PPARGC1A: variants seen among roughly 807,000 people sequenced by gnomAD.
PPARGC1A encodes peroxisome proliferator-activated receptor gamma coactivator 1-alpha.
Under a neutral mutation model 88.7 loss-of-function variants are expected in PPARGC1A, and 25 were observed. That is an observed-to-expected ratio of 0.28 (90% CI 0.21 to 0.39). The LOEUF is 0.39. Ranked by LOEUF, PPARGC1A falls within the 10% of genes least tolerant of loss-of-function variation. PPARGC1A has a pLI of 1.00. For synonymous variants in PPARGC1A, 363 were observed against 355.6 expected, an observed-to-expected ratio of 1.02 and a Z score of -0.24; for missense variants, 880 against 968.7, an observed-to-expected ratio of 0.91 and a Z score of 1.22.
the PPARGC1A span, among the ~76,000 whole-genome samples, chr4:24,122,241 C>A: frequency 6.6e-6 from 1 of 151,990 alleles, no homozygotes; most frequent in Non-Finnish European, 1.5e-5. Flanking sequence ...AGAAAGAACT[C>A]ACTCATGGAG....
intron 2 of PPARGC1A, among the ~76,000 whole-genome samples, chr4:23,832,193 T>C (rs557210125): frequency 1.3e-5 from 2 of 152,306 alleles, no homozygotes; most frequent in East Asian, 3.9e-4. Context: ...TCTAGACAGC[T>C]CTTTATTTGA....
chr4:24,114,077 T>C, the PPARGC1A span, among the ~76,000 whole-genome samples: 1 of 138,412 alleles, frequency 7.2e-6, no homozygotes, highest in Non-Finnish European at 1.5e-5. Flanking sequence ...TGAGCCGAGA[T>C]CGTGCCACTG....
chr4:24,295,080 G>A, the PPARGC1A span, among the ~76,000 whole-genome samples: 6 of 152,178 alleles, frequency 3.9e-5, no homozygotes, highest in African/African-American at 1.4e-4. Context: ...TTAATGCAAC[G>A]CTGTTTAGTT....
chr4:24,074,931 G>C, the PPARGC1A span, among the ~76,000 whole-genome samples: 706 of 152,278 alleles, frequency 4.6e-3, 5 homozygotes, highest in African/African-American at 0.016. Flanking sequence ...AACAAAGGCA[G>C]ATCCTCTTTG....
chr4:24,296,885 C>T, the PPARGC1A span, among the ~76,000 whole-genome samples: 1 of 152,100 alleles, frequency 6.6e-6, no homozygotes, highest in Non-Finnish European at 1.5e-5. Context: ...GTCTTACTGC[C>T]AAGTATATCT....
the PPARGC1A span, among the ~76,000 whole-genome samples, chr4:24,151,500 G>GT: frequency 5.3e-4 from 81 of 152,162 alleles, no homozygotes; most frequent in Non-Finnish European, 1.5e-5. Context: ...CACACCGGGG[G>GT]TTAGGGCTTC....
the PPARGC1A span, among the ~76,000 whole-genome samples, chr4:24,038,178 C>T: frequency 2.0e-5 from 3 of 152,146 alleles, no homozygotes; most frequent in Admixed American, 1.3e-4. Flanking sequence ...CATGCATGAC[C>T]TTGTAGAGCA....
the PPARGC1A span, among the ~76,000 whole-genome samples, chr4:24,096,912 T>C: frequency 6.6e-6 from 1 of 152,190 alleles, no homozygotes; most frequent in Admixed American, 6.5e-5. Flanking sequence ...TGATTTAGGA[T>C]AAATTCCTTT....
At chr4:24,115,131 T>A in the PPARGC1A span, among the ~76,000 whole-genome samples, 1 of 152,176 alleles carries the variant, frequency 6.6e-6, no homozygotes, top group Non-Finnish European at 1.5e-5. Flanking sequence ...GTCTTGCCCA[T>A]GTAATATATT....
chr4:24,306,130 A>G, the PPARGC1A span, among the ~76,000 whole-genome samples: 32 of 152,334 alleles, frequency 2.1e-4, no homozygotes, highest in Middle Eastern at 3.4e-3. Context: ...CACAATCCAC[A>G]GTCCCAGATA....
At chr4:24,235,743 T>C in the PPARGC1A span, among the ~76,000 whole-genome samples, 25 of 152,198 alleles carry the variant, frequency 1.6e-4, no homozygotes, top group East Asian at 4.4e-3. Context: ...ACAGAATGAA[T>C]TGACTTTGAG....
chr4:24,405,531 G>A, the PPARGC1A span, among the ~76,000 whole-genome samples: 241 of 152,282 alleles, frequency 1.6e-3, 2 homozygotes, highest in East Asian at 0.024. Context: ...TATAATCAGT[G>A]CTATTCTTGG....
At chr4:23,853,308 A>G (rs1729637954) in intron 2 of PPARGC1A, among the ~76,000 whole-genome samples, 2 of 152,198 alleles carry the variant, frequency 1.3e-5, no homozygotes, top group Non-Finnish European at 2.9e-5. Context: ...GGTACAGAAA[A>G]TAAAGCATAA....
At chr4:24,004,218 G>A in the PPARGC1A span, among the ~76,000 whole-genome samples, 7 of 152,224 alleles carry the variant, frequency 4.6e-5, no homozygotes, top group Non-Finnish European at 1.0e-4. Flanking sequence ...TCAAAGCTGC[G>A]ACCATTTCAG....
the PPARGC1A span, among the ~76,000 whole-genome samples, chr4:24,218,057 G>A: frequency 6.6e-6 from 1 of 152,156 alleles, no homozygotes; most frequent in African/African-American, 2.4e-5. Flanking sequence ...TTGAGTGCCT[G>A]GGAGAGAATG....
At chr4:23,957,757 T>C in the PPARGC1A span, among the ~76,000 whole-genome samples, 5 of 152,122 alleles carry the variant, frequency 3.3e-5, no homozygotes, top group Admixed American at 6.6e-5. Context: ...AAAGGAGTAC[T>C]TTTTAATGTA....
At chr4:23,951,389 T>C in the PPARGC1A span, among the ~76,000 whole-genome samples, 1 of 151,872 alleles carries the variant, frequency 6.6e-6, no homozygotes, top group Non-Finnish European at 1.5e-5. Context: ...AAGAGCAGAG[T>C]CTGGAACATG....
the PPARGC1A span, among the ~76,000 whole-genome samples, chr4:23,981,903 A>G: frequency 6.6e-6 from 1 of 152,136 alleles, no homozygotes. Flanking sequence ...CAGGAATTAC[A>G]TAAGAGTAAC....
At chr4:24,369,471 C>T in the PPARGC1A span, among the ~76,000 whole-genome samples, 16 of 152,048 alleles carry the variant, frequency 1.1e-4, no homozygotes, top group African/African-American at 3.9e-4. Flanking sequence ...AATGCACTTT[C>T]CAATCACTAT....
Sources: gnomAD v4.1 joint callset for allele counts (sites outside exome capture counted in the v4.1 genomes callset) on GRCh38, gnomAD v4.1.1 for gene constraint, MANE v1.5 for transcripts, NCBI Gene and HGNC (gene_info 2026-07-23, HGNC 2026-07-21) for gene names.